RBBP4: variants seen among roughly 807,000 people sequenced by gnomAD.
RBBP4 encodes RB binding protein 4, chromatin remodeling factor.
A neutral mutation model predicts 57.2 loss-of-function variants in RBBP4; 3 were observed. That is an observed-to-expected ratio of 0.05 (90% CI 0.02 to 0.14). The LOEUF (loss-of-function observed/expected upper bound fraction) is 0.14. Ranked by LOEUF, RBBP4 falls within the 10% of genes least tolerant of loss-of-function variation. The pLI is 1.00. For synonymous variants in RBBP4, 151 were observed against 171.5 expected (o/e 0.88, Z 0.93); for missense variants, 107 against 520.6 (o/e 0.21, Z 7.73).
chr1:32,681,935 ATTGT>A lies in RBBP4; in HGVS notation c.*2232_*2235del. 1 of 1,336,830 alleles carries A rather than the reference ATTGT, an allele frequency of 7.5e-7. No homozygotes were observed. The highest frequency in any genetic ancestry group is 1.1e-6 in the Non-Finnish European group (1 of 930,640). 82.8% of individuals were successfully genotyped at this position (1,336,830 alleles called of 1,614,324 possible). A position where few individuals can be genotyped will look rare whatever the true frequency, so the allele number is the denominator to read the frequency against. On this transcript the variant is annotated 3_prime_UTR_variant, in exon 12 of 12. Transcript: ENST00000373493. ...TTACTGCAGGCTTTGTTGAGAAGAG[ATTGT>A]TACAGTGTGATTTATGGATGATCAG...
In RBBP4 at chr1:32,679,944, C is replaced by A. The variant is rs1649317207; in HGVS notation, c.*239C>A. On this transcript the variant is annotated 3_prime_UTR_variant, in exon 12 of 12. Transcript: ENST00000373493. ...TCAGGAATTTTCTAGTAACCCAGGT[C>A]TAAAGTAGCTACAGAAAGGGGAATA... 7.8e-7 allele frequency: 1 copy of A among 1,282,000 alleles called. No homozygotes were observed. The highest frequency in any genetic ancestry group is 3.4e-5 in the East Asian group (1 of 29,202). 79.4% of individuals were successfully genotyped at this position (1,282,000 alleles called of 1,614,324 possible).
intron 1 of RBBP4, 52 bp from the exon 2 acceptor site, chr1:32,651,861 AT>A (rs1419217893): frequency 6.3e-7 from 1 of 1,576,016 alleles, no homozygotes; most frequent in Non-Finnish European, 8.6e-7. Context: ...TTTGCAGAGG[AT>A]TACTCGGTTT....
At chr1:32,666,777 A>T (rs1648667518) in intron 3 of RBBP4, among the ~76,000 whole-genome samples, 1 of 152,246 alleles carries the variant, frequency 6.6e-6, no homozygotes, top group Non-Finnish European at 1.5e-5. Flanking sequence ...GAATAAGAAT[A>T]GTTAAAATAC....
Position 32,668,240 on chromosome 1 carries a change from G to C in RBBP4, c.326G>C (p.Gly109Ala). ...DSEKGEFGGFGSVSGKIEIEI... is the reference protein window; with the variant it reads ...DSEKGEFGGFASVSGKIEIEI... The stretch of plus-strand genomic sequence containing the variant: ...TTATTCACAGAATTTGGAGGTTTTG[G>C]TTCAGTTAGTGGAAAAATTGAAATA... The change falls in exon 4 of 12, where the codon GGT becomes GCT. Residue 109 changes from glycine (G) to alanine (A), a missense_variant. Gly to Ala is a moderately conservative substitution (Grantham distance 60, BLOSUM62 0). This residue lies in a region of RBBP4 where 92 missense variants were observed against 408.5 expected (regional missense o/e 0.23). Transcript: ENST00000373493. The C allele has an allele frequency of 1.2e-6, 2 of 1,611,972 alleles. No homozygotes were observed. The highest frequency in any genetic ancestry group is 1.7e-6 in the Non-Finnish European group (2 of 1,179,058).
chr1:32,652,237 C>G (rs569680686), intron 2 of RBBP4, 176 bp downstream of exon 2: 12 of 709,966 alleles, frequency 1.7e-5, no homozygotes, highest in African/African-American at 1.6e-4. Flanking sequence ...TGTAACTTAC[C>G]TGACAAGAGA....
In RBBP4 at chr1:32,679,978, G is replaced by C; in HGVS notation, c.*273G>C. ...CTACAGAAAGGGGAATATTATGTGT[G>C]ATTATTTTTCTTCTTATGCTATATC... On this transcript the variant is annotated 3_prime_UTR_variant, in exon 12 of 12. Transcript: ENST00000373493. 1 of 1,203,352 alleles carries C rather than the reference G, an allele frequency of 8.3e-7. No homozygotes were observed. The highest frequency in any genetic ancestry group is 1.0e-6 in the Non-Finnish European group (1 of 969,396). 74.5% of individuals were successfully genotyped at this position (1,203,352 alleles called of 1,614,324 possible). A position where few individuals can be genotyped will look rare whatever the true frequency, so the allele number is the denominator to read the frequency against.
In RBBP4 at chr1:32,653,637, G is replaced by GT. The variant is rs1053666893; in HGVS notation, c.164+1598dup. ...TGCTTTGTGTGTTTTTTGTTTTCTG[G>GT]TTTTTTTTTTTTTTTTTTTTTTGTT... is the stretch of plus-strand genomic sequence containing the variant. On this transcript the variant is annotated intron_variant, in intron 2 of 11. Transcript: ENST00000373493. Among the ~76,000 whole-genome samples the GT allele has an allele frequency of 4.9e-3, 101 of 20,756 alleles. 1 individual carries two copies. Among genetic ancestry groups the GT allele is most frequent in the South Asian group, 0.015 (3 of 200 alleles). The allele number at this position is 20,756 out of a possible 152,430, so 13.6% of individuals were successfully genotyped here. A position where few individuals can be genotyped will look rare whatever the true frequency, so the allele number is the denominator to read the frequency against.
Position 32,652,008 on chromosome 1 carries a change from C to G in RBBP4, c.111C>G (p.Thr37=). The change falls in exon 2 of 12, where the codon ACC becomes ACG. Residue 37 remains threonine (T), a synonymous_variant. Coordinates refer to ENST00000373493, the MANE Select transcript of RBBP4 (RefSeq NM_005610.3). Reference sequence around the variant, plus strand: ...CTTTTCTTTATGATTTGGTGATGACCCATGCTCTGGAGTGGCCCAGCCTAA... The same window carrying G: ...CTTTTCTTTATGATTTGGTGATGACGCATGCTCTGGAGTGGCCCAGCCTAA... The part of the protein sequence containing the change: ...NTPFLYDLVM[T]HALEWPSLTA... 6.2e-7 allele frequency: 1 copy of G among 1,613,862 alleles called. No individual in the cohort carries two copies. Among genetic ancestry groups the G allele is most frequent in the Non-Finnish European group, 8.5e-7 (1 of 1,179,816 alleles).
At chr1:32,653,121 T>C (rs1345943101) in intron 2 of RBBP4, among the ~76,000 whole-genome samples, 2 of 152,092 alleles carry the variant, frequency 1.3e-5, no homozygotes, top group Admixed American at 6.6e-5. Flanking sequence ...CTTGCATTTA[T>C]TGGGGCTGTA....
chr1:32,673,048 T>C, intron 11 of RBBP4, 147 bp downstream of exon 11: 1 of 694,330 alleles, frequency 1.4e-6, no homozygotes, highest in Admixed American at 2.8e-5. Context: ...ATTATCATTT[T>C]CAGCTGCCTG....
rs191705416 is a variant in RBBP4 at position 32,681,558 on chromosome 1, G to C, written c.*1853G>C. ...TTCATCCTTCACTCAGTGCATATGT[G>C]AGGGTTGTTGCTGGAAGACAGGAGG... is the stretch of plus-strand genomic sequence containing the variant. On this transcript the variant is annotated 3_prime_UTR_variant, in exon 12 of 12. Coordinates refer to ENST00000373493, the MANE Select transcript of RBBP4 (RefSeq NM_005610.3). The C allele has an allele frequency of 7.3e-6, 4 of 544,374 alleles. No homozygotes were observed. In the African/African-American group the frequency reaches 7.6e-5, roughly 10 times the overall value. The allele number at this position is 544,374 out of a possible 1,614,324, so 33.7% of individuals were successfully genotyped here.
intron 2 of RBBP4, among the ~76,000 whole-genome samples, chr1:32,654,088 A>G (rs1748048): frequency 0.97 from 148,057 of 152,132 alleles, 72,172 homozygotes; most frequent in East Asian, 1. Flanking sequence ...TTAGGAACTT[A>G]TGGGCTGGTC....
Position 32,682,948 on chromosome 1 carries a change from T to C in RBBP4, c.*3243T>C, listed in dbSNP as rs1273927326. The C allele has an allele frequency of 6.6e-6, 1 of 152,030 alleles. No homozygotes were observed. Among genetic ancestry groups the C allele is most frequent in the Non-Finnish European group, 1.5e-5 (1 of 68,036 alleles). The allele number at this position is 152,030 out of a possible 1,614,324, so 9.4% of individuals were successfully genotyped here. ...TGGGGGAGGGATCCTGAGTAGGTGATTGGTCAGAAAGATGCCTTCAGTTTT... is the reference window on the plus strand; with the variant it reads ...TGGGGGAGGGATCCTGAGTAGGTGACTGGTCAGAAAGATGCCTTCAGTTTT... On this transcript the variant is annotated 3_prime_UTR_variant, in exon 12 of 12. Transcript: ENST00000373493.
rs370292387 is a variant in RBBP4, at chr1:32,668,727, G to A, written c.485-12G>A. 6.2e-7 allele frequency: 1 copy of A among 1,606,668 alleles called. No individual in the cohort carries two copies. The highest frequency in any genetic ancestry group is 1.3e-5 in the African/African-American group (1 of 74,736). On this transcript the variant is annotated splice_polypyrimidine_tract_variant and intron_variant, in intron 4 of 11. Transcript: ENST00000373493. The stretch of plus-strand genomic sequence containing the variant: ...TGGACTGGGTAGTCTTGATGTGTCT[G>A]TCACTTTGCAGATCCTTCTGGAGAG...
chr1:32,668,558 A>G, intron 4 of RBBP4, 160 bp downstream of exon 4: 1 of 929,742 alleles, frequency 1.1e-6, no homozygotes, highest in Non-Finnish European at 1.6e-6. Context: ...TGAAAAAATA[A>G]TGCTTTTTTA....
At position 32,669,935 on chromosome 1, in the gene RBBP4, CAT is replaced by C. The variant is rs1212833800; in HGVS notation, c.966+373_966+374del. On this transcript the variant is annotated intron_variant, in intron 8 of 11. Transcript: ENST00000373493. This position sits in a 1 kb window ranked among gnomAD's most constrained non-coding sequence, Gnocchi z 4.9. ...AAACCTGGATGTATGAGTGGGCACACATGTGCTTTATGCCGTTGCTAAAAATA... is the reference window on the plus strand; with the variant it reads ...AAACCTGGATGTATGAGTGGGCACACGTGCTTTATGCCGTTGCTAAAAATA... Among the ~76,000 whole-genome samples the C allele has an allele frequency of 6.6e-6, 1 of 152,160 alleles. No individual in the cohort carries two copies. Among genetic ancestry groups the C allele is most frequent in the African/African-American group, 2.4e-5 (1 of 41,448 alleles).
intron 11 of RBBP4, among the ~76,000 whole-genome samples, chr1:32,678,474 G>C (rs1261983265): frequency 6.6e-6 from 1 of 150,616 alleles, no homozygotes; most frequent in Non-Finnish European, 1.5e-5. Flanking sequence ...TGATACGCCT[G>C]CCTTGGCCTC....
chr1:32,674,995 C>T (rs1217749940), intron 11 of RBBP4, among the ~76,000 whole-genome samples: 2 of 151,806 alleles, frequency 1.3e-5, no homozygotes, highest in Non-Finnish European at 2.9e-5. Flanking sequence ...CTTTGGCCTC[C>T]CAAAGTACTG....
At chr1:32,662,617 AC>A (rs1472654758) in intron 3 of RBBP4, among the ~76,000 whole-genome samples, 3 of 148,656 alleles carry the variant, frequency 2.0e-5, no homozygotes, top group African/African-American at 7.4e-5. Context: ...CTCGTGATCC[AC>A]CTGCCTCAGC....
Sources: gnomAD v4.1 joint callset for allele counts (sites outside exome capture counted in the v4.1 genomes callset) on GRCh38, gnomAD v4.1.1 for gene constraint, gnomAD v4.1.1 regional missense constraint, Gnocchi (gnomAD v3.1) non-coding constraint, MANE v1.5 for transcripts, NCBI Gene and HGNC (gene_info 2026-07-23, HGNC 2026-07-21) for gene names.